TMCO4: variants seen among roughly 807,000 people sequenced by gnomAD.
TMCO4 encodes the protein transmembrane and coiled-coil domains 4.
TMCO4 carries 58 observed loss-of-function variants against 64.7 expected under a neutral mutation model. The ratio of observed to expected loss-of-function variants is 0.90; its 90% CI spans 0.73 to 1.12. TMCO4 has a LOEUF of 1.12. TMCO4 is among the 50% of genes most tolerant of loss of function. TMCO4 has a pLI of 0.00. For synonymous variants in TMCO4, 325 were observed against 346.1 expected (o/e 0.94, Z 0.68); for missense variants, 780 against 825.9 (o/e 0.94, Z 0.68).
chr1:19,725,973 G>A (rs541878650), intron 13 of TMCO4, among the ~76,000 whole-genome samples: 15 of 152,316 alleles, frequency 9.8e-5, no homozygotes, highest in African/African-American at 3.4e-4. Flanking sequence ...CAAAGGCCTC[G>A]AGCATGGTCC....
intron 3 of TMCO4, among the ~76,000 whole-genome samples, chr1:19,781,144 C>CAAAAAAAAAAAA (rs535767635): frequency 1.9e-5 from 1 of 52,604 alleles, no homozygotes; most frequent in Non-Finnish European, 3.8e-5. Flanking sequence ...GACTCCATCT[C>CAAAAAAAAAAAA]AAAAAAAAAA....
At chr1:19,777,189 C>T (rs2101052096) in intron 4 of TMCO4, among the ~76,000 whole-genome samples, 1 of 152,240 alleles carries the variant, frequency 6.6e-6, no homozygotes, top group Admixed American at 6.5e-5. Context: ...GAAAGATGTC[C>T]TCCCTGACGG....
intron 13 of TMCO4, among the ~76,000 whole-genome samples, chr1:19,727,748 T>C (rs553835081): frequency 4.6e-5 from 7 of 152,220 alleles, no homozygotes; most frequent in Non-Finnish European, 7.3e-5. Context: ...TAAAGATACA[T>C]ACATCTGTAT....
chr1:19,723,326 G>C (rs55996790), intron 13 of TMCO4, among the ~76,000 whole-genome samples: 4,104 of 152,194 alleles, frequency 0.027, 203 homozygotes, highest in African/African-American at 0.092. Context: ...CATCTCATAT[G>C]GGGGATAGTC....
chr1:19,739,574 T>C (rs538183669), intron 12 of TMCO4, among the ~76,000 whole-genome samples: 1 of 152,362 alleles, frequency 6.6e-6, no homozygotes, highest in African/African-American at 2.4e-5. Context: ...GACTTGTTCC[T>C]ACCTGCAGAT....
chr1:19,735,169 A>G (rs984931623), intron 13 of TMCO4, among the ~76,000 whole-genome samples: 1 of 152,136 alleles, frequency 6.6e-6, no homozygotes, highest in Non-Finnish European at 1.5e-5. Context: ...AACACTCACC[A>G]CAGTTCCCTG....
Position 19,747,226 on chromosome 1 carries a change from G to T in TMCO4, c.550C>A (p.Arg184=), listed in dbSNP as rs146484072. The change falls in exon 8 of 16, where the codon CGG becomes AGG. Residue 184 remains arginine, a synonymous_variant. Transcript: ENST00000294543. ...AEASRKKKEN[R]RKWKRYLLIG... ...AGGAGATAACGCTTCCATTTCCTCC[G>T]GTTTTCTTTCTTCTTTCGGGATGCC... The T allele has an allele frequency of 6.2e-7, 1 of 1,613,938 alleles. No individual in the cohort carries two copies. The highest frequency in any genetic ancestry group is 1.1e-5 in the South Asian group (1 of 91,068).
chr1:19,723,785 T>C (rs762532431), intron 13 of TMCO4, among the ~76,000 whole-genome samples: 7 of 152,116 alleles, frequency 4.6e-5, no homozygotes, highest in Non-Finnish European at 8.8e-5. Flanking sequence ...ATTTATCTAG[T>C]AGACAATGGG....
At chr1:19,685,005 A>G (rs535191415) in intron 15 of TMCO4, among the ~76,000 whole-genome samples, 1 of 152,262 alleles carries the variant, frequency 6.6e-6, no homozygotes, top group Admixed American at 6.5e-5. Flanking sequence ...GATTTCTTTT[A>G]TGTGACAGAA....
chr1:19,777,026 C>CAAAAAAAA (rs59722797), intron 4 of TMCO4, among the ~76,000 whole-genome samples: 2 of 82,778 alleles, frequency 2.4e-5, no homozygotes, highest in Non-Finnish European at 2.3e-5. Context: ...GACACTGTCT[C>CAAAAAAAA]AAAAAAAAAA....
chr1:19,697,164 C>T (rs142068195), intron 14 of TMCO4, among the ~76,000 whole-genome samples: 2 of 152,234 alleles, frequency 1.3e-5, no homozygotes, highest in Admixed American at 6.5e-5. Flanking sequence ...TCAGTCTGTG[C>T]TTCCGGTCTC....
intron 6 of TMCO4, 91 bp downstream of exon 6, chr1:19,770,451 C>T (rs1275113257): frequency 6.2e-6 from 9 of 1,461,704 alleles, no homozygotes; most frequent in Admixed American, 1.7e-5. Flanking sequence ...ACGGGGGACC[C>T]GGCCCCAGGT....
intron 13 of TMCO4, among the ~76,000 whole-genome samples, chr1:19,707,104 C>A (rs983750739): frequency 6.6e-6 from 1 of 152,212 alleles, no homozygotes; most frequent in Non-Finnish European, 1.5e-5. Context: ...CGAAGCCCTG[C>A]CTGACCTTCC....
intron 13 of TMCO4, among the ~76,000 whole-genome samples, chr1:19,720,723 G>C (rs968457604): frequency 1.3e-5 from 2 of 152,208 alleles, no homozygotes; most frequent in East Asian, 3.9e-4. Context: ...GTAGAGACCC[G>C]AAAGGTCAGA....
intron 2 of TMCO4, among the ~76,000 whole-genome samples, chr1:19,789,615 T>C (rs2043926005): frequency 6.6e-6 from 1 of 152,130 alleles, no homozygotes; most frequent in Non-Finnish European, 1.5e-5. Context: ...AAAAAACCCT[T>C]TTAATTAGAA....
intron 13 of TMCO4, among the ~76,000 whole-genome samples, chr1:19,736,633 T>A (rs2095456044): frequency 6.6e-6 from 1 of 150,424 alleles, no homozygotes; most frequent in Admixed American, 6.6e-5. Context: ...TGCTGACAGA[T>A]CTGTCCAAAA....
intron 8 of TMCO4, among the ~76,000 whole-genome samples, chr1:19,746,922 T>TAA (rs2041815985): frequency 1.5e-5 from 1 of 65,536 alleles, no homozygotes; most frequent in African/African-American, 9.7e-5. Context: ...AGATACTGTC[T>TAA]CAAAAAAAAA....
chr1:19,756,934 A>G (rs2042281742), intron 6 of TMCO4, among the ~76,000 whole-genome samples: 1 of 152,236 alleles, frequency 6.6e-6, no homozygotes, highest in Non-Finnish European at 1.5e-5. Context: ...TTTAATGCAT[A>G]GAAGAGTGAC....
At chr1:19,739,408 T>A (rs1379121623) in intron 12 of TMCO4, among the ~76,000 whole-genome samples, 1 of 152,248 alleles carries the variant, frequency 6.6e-6, no homozygotes, top group Non-Finnish European at 1.5e-5. Flanking sequence ...GGTGGCCAGC[T>A]GAAGCACCTG....
Sources: gnomAD v4.1 joint callset for allele counts (sites outside exome capture counted in the v4.1 genomes callset) on GRCh38, gnomAD v4.1.1 for gene constraint, MANE v1.5 for transcripts, NCBI Gene and HGNC (gene_info 2026-07-23, HGNC 2026-07-21) for gene names.